ATP8A2: variants seen among roughly 807,000 people sequenced by gnomAD.
The protein encoded by ATP8A2 is ATPase phospholipid transporting 8A2.
Under a neutral mutation model 165.6 loss-of-function variants are expected in ATP8A2, and 100 were observed. The ratio of observed to expected loss-of-function variants is 0.60; its 90% confidence interval spans 0.51 to 0.71. The LOEUF is 0.71. Ranked by LOEUF, ATP8A2 falls within the 30% of genes least tolerant of loss-of-function variation. The pLI is 0.00. For synonymous variants in ATP8A2, 543 were observed against 548.8 expected, an observed-to-expected ratio of 0.99 and a Z score of 0.15; for missense variants, 1,227 against 1,479.5, an observed-to-expected ratio of 0.83 and a Z score of 2.80.
intron 24 of ATP8A2, among the ~76,000 whole-genome samples, chr13:25,616,551 C>T (rs373161759): frequency 1.4e-4 from 21 of 152,144 alleles, no homozygotes; most frequent in Admixed American, 1.2e-3. Context: ...AGGCTAGTCT[C>T]GAACTCCTGA....
chr13:25,860,335 C>T (rs1363299053), intron 31 of ATP8A2, 79 bp downstream of exon 31: 3 of 753,238 alleles, frequency 4.0e-6, no homozygotes, highest in Non-Finnish European at 6.7e-6. Flanking sequence ...TTAAAAAGGG[C>T]CTTCCTCATT....
intron 10 of ATP8A2, among the ~76,000 whole-genome samples, chr13:25,550,330 C>T (rs182131418): frequency 2.0e-5 from 3 of 152,050 alleles, no homozygotes; most frequent in Admixed American, 6.6e-5. Context: ...ATAACATACT[C>T]GCAGTGCCCC....
At chr13:25,713,912 C>T (rs766577413) in intron 25 of ATP8A2, among the ~76,000 whole-genome samples, 3 of 152,088 alleles carry the variant, frequency 2.0e-5, no homozygotes, top group Admixed American at 6.5e-5. Context: ...GTAAAAATTA[C>T]GTAGACTGTA....
intron 2 of ATP8A2, among the ~76,000 whole-genome samples, chr13:25,492,995 G>T (rs1004495674): frequency 6.6e-6 from 1 of 152,124 alleles, no homozygotes; most frequent in African/African-American, 2.4e-5. Flanking sequence ...TTCTCCATAG[G>T]CTCCAAAATT....
At chr13:25,714,002 T>G (rs965648573) in intron 25 of ATP8A2, among the ~76,000 whole-genome samples, 2 of 152,172 alleles carry the variant, frequency 1.3e-5, no homozygotes, top group Admixed American at 6.5e-5. Flanking sequence ...ATTCTTAAAT[T>G]TATTAGCTTC....
intron 30 of ATP8A2, among the ~76,000 whole-genome samples, chr13:25,849,438 T>A (rs1951953438): frequency 6.6e-6 from 1 of 152,340 alleles, no homozygotes; most frequent in Middle Eastern, 3.4e-3. Flanking sequence ...AATGAGCATT[T>A]AATTGAAATG....
intron 2 of ATP8A2, among the ~76,000 whole-genome samples, chr13:25,482,277 A>G (rs758031592): frequency 6.6e-6 from 1 of 152,172 alleles, no homozygotes; most frequent in Non-Finnish European, 1.5e-5. Context: ...ACTGATCATA[A>G]GTCTTGTTCC....
intron 13 of ATP8A2, among the ~76,000 whole-genome samples, chr13:25,555,554 G>A (rs183698108): frequency 1.3e-5 from 2 of 152,230 alleles, no homozygotes; most frequent in African/African-American, 4.8e-5. Flanking sequence ...GTTGGGCTTT[G>A]CATTATGTCT....
In ATP8A2 at chr13:25,571,668, A is replaced by G; in HGVS notation, c.1638A>G (p.Thr546=). ...KKLGFVFTAR[T]PFSVIIEAMG... is the part of the protein sequence containing the mutation. ...TGGGCTTTGTCTTCACAGCCAGAAC[A>G]CCATTCTCAGTCATCATAGAAGCGG... Residue 546 remains threonine, a synonymous_variant, in exon 18 of 37, where the codon ACA becomes ACG. Transcript: ENST00000381655. 1.2e-6 allele frequency: 2 copies of G among 1,614,122 alleles called. No individual in the cohort carries two copies. Among genetic ancestry groups the G allele is most frequent in the Non-Finnish European group, 1.7e-6 (2 of 1,179,962 alleles).
intron 24 of ATP8A2, among the ~76,000 whole-genome samples, chr13:25,638,255 G>A (rs899915803): frequency 1.3e-5 from 2 of 152,246 alleles, no homozygotes; most frequent in Admixed American, 6.5e-5. Context: ...AAGCTGGATG[G>A]AGAATGACTT....
At chr13:25,513,760 G>GC (rs1363039546) in intron 2 of ATP8A2, among the ~76,000 whole-genome samples, 8 of 152,234 alleles carry the variant, frequency 5.3e-5, no homozygotes, top group African/African-American at 1.9e-4. Context: ...CTGGAGACCA[G>GC]CCCGGGCAAC....
intron 1 of ATP8A2, among the ~76,000 whole-genome samples, chr13:25,429,389 A>G (rs867687544): frequency 0.011 from 1,674 of 150,124 alleles, 50 homozygotes; most frequent in African/African-American, 0.04. Context: ...AAAAAAAAAA[A>G]AAAAAAAAAA....
At chr13:26,004,193 T>C (rs561204319) in intron 35 of ATP8A2, among the ~76,000 whole-genome samples, 5 of 152,264 alleles carry the variant, frequency 3.3e-5, no homozygotes, top group African/African-American at 1.2e-4. Flanking sequence ...AATTATTTCA[T>C]CAGTGTTTTG....
At chr13:25,747,091 G>T (rs2044048802) in intron 25 of ATP8A2, among the ~76,000 whole-genome samples, 1 of 152,168 alleles carries the variant, frequency 6.6e-6, no homozygotes, top group South Asian at 2.1e-4. Context: ...ATTTTCTAAG[G>T]GAGGGTGTCA....
chr13:25,905,463 TG>T (rs1953909312), intron 33 of ATP8A2, among the ~76,000 whole-genome samples: 1 of 152,176 alleles, frequency 6.6e-6, no homozygotes, highest in South Asian at 2.1e-4. Context: ...TTCAGTTTTC[TG>T]GTTTCTCCTA....
chr13:25,480,734 C>T (rs1248073761), intron 2 of ATP8A2, among the ~76,000 whole-genome samples: 1 of 151,254 alleles, frequency 6.6e-6, no homozygotes, highest in Non-Finnish European at 1.5e-5. Flanking sequence ...CAGAGACGCT[C>T]CTCACTTCCT....
intron 15 of ATP8A2, among the ~76,000 whole-genome samples, chr13:25,561,586 A>G (rs555638629): frequency 1.3e-5 from 2 of 152,042 alleles, no homozygotes; most frequent in African/African-American, 4.8e-5. Context: ...CCTGGTGATC[A>G]TTGGCTGTGT....
At chr13:25,429,371 T>TAAAA (rs751056483) in intron 1 of ATP8A2, among the ~76,000 whole-genome samples, 4 of 126,006 alleles carry the variant, frequency 3.2e-5, no homozygotes, top group Non-Finnish European at 4.8e-5. Context: ...GACTCCATCT[T>TAAAA]AAAAAAAAAA....
intron 30 of ATP8A2, among the ~76,000 whole-genome samples, chr13:25,853,396 A>AATATATATATATATATATAT (rs1555278503): frequency 2.8e-5 from 3 of 107,868 alleles, no homozygotes; most frequent in African/African-American, 1.0e-4. Context: ...ATCTAAAAAA[A>AATATATATATATATATATAT]ATATATATAT....
Sources: allele counts gnomAD v4.1 joint callset (sites outside exome capture counted in the v4.1 genomes callset), GRCh38; gene constraint gnomAD v4.1.1; transcripts MANE v1.5; gene names NCBI Gene and HGNC (gene_info 2026-07-23, HGNC 2026-07-21).